The following USH2A variants were observed in gnomAD, a reference collection of about 807,000 sequenced individuals.
USH2A encodes Usher syndrome 2A (autosomal recessive, mild).
In USH2A, 443 loss-of-function variants were observed where a neutral mutation model predicts 538.9. That is an observed-to-expected ratio of 0.82 (90% CI 0.76 to 0.89). The LOEUF (loss-of-function observed/expected upper bound fraction) is 0.89, where lower values mean the gene tolerates loss of function less well. Ranked by LOEUF, USH2A falls within the 40% of genes least tolerant of loss-of-function variation. USH2A has a pLI of 0.00. For synonymous variants in USH2A, 2,413 were observed against 2,273.5 expected (o/e 1.06, Z -1.75); for missense variants, 6,633 against 6,324.8 (o/e 1.05, Z -1.65).
chr1:215,976,872 A>G (rs1667630175), intron 35 of USH2A, among the ~76,000 whole-genome samples: 1 of 152,112 alleles, frequency 6.6e-6, no homozygotes, highest in Non-Finnish European at 1.5e-5. Flanking sequence ...CCTCATAGAA[A>G]GTGTTAAGAA....
In USH2A at chr1:215,877,870, G is replaced by C; in HGVS notation, c.8569C>G (p.Leu2857Val). The change falls in exon 43 of 72, where the codon CTG (leucine) becomes GTG (valine). Residue 2857 changes from leucine to valine, a missense_variant. Coordinates refer to ENST00000307340, the MANE Select transcript of USH2A (RefSeq NM_206933.4). ...PNGPNLRYELLRRKIQQPLAS... is the reference protein window; with the variant it reads ...PNGPNLRYELVRRKIQQPLAS... The stretch of plus-strand genomic sequence containing the variant: ...AGTGGCTGCTGGATTTTACGTCTCA[G>C]AAGCTCATATCTAAAGCAAAAGACA... 1 of 1,613,650 alleles carries C rather than the reference G, an allele frequency of 6.2e-7. No homozygotes were observed. The highest frequency in any genetic ancestry group is 8.5e-7 in the Non-Finnish European group (1 of 1,179,664).
chr1:216,145,951 ACT>A (rs1191666300), intron 21 of USH2A, among the ~76,000 whole-genome samples: 18 of 151,808 alleles, frequency 1.2e-4, no homozygotes, highest in South Asian at 8.3e-4. Flanking sequence ...CCCTTCGCTG[ACT>A]CTCTTTTCGG....
At chr1:215,886,412 A>G (rs561281987) in intron 41 of USH2A, among the ~76,000 whole-genome samples, 3 of 152,300 alleles carry the variant, frequency 2.0e-5, no homozygotes, top group Admixed American at 6.5e-5. Context: ...ATACTGAAGG[A>G]CAGATATGTT....
chr1:216,314,625 TAAG>T (rs2037475405), intron 9 of USH2A, among the ~76,000 whole-genome samples: 1 of 152,114 alleles, frequency 6.6e-6, no homozygotes, highest in African/African-American at 2.4e-5. Context: ...ATTTATATAA[TAAG>T]CATTCTAGAG....
intron 38 of USH2A, among the ~76,000 whole-genome samples, chr1:215,913,748 T>C (rs888309875): frequency 2.6e-5 from 4 of 151,938 alleles, no homozygotes; most frequent in African/African-American, 9.7e-5. Context: ...GTTTTTTTTT[T>C]CCATAAAAGT....
At chr1:215,938,184 C>T (rs879929643) in intron 37 of USH2A, among the ~76,000 whole-genome samples, 23 of 152,164 alleles carry the variant, frequency 1.5e-4, no homozygotes, top group Admixed American at 3.9e-4. Context: ...TGTACATCTC[C>T]AGTAACTATA....
In USH2A at chr1:216,237,024, CA is replaced by C. The variant is rs1324980756; in HGVS notation, c.2810-4889del. Reference sequence around the variant, plus strand: ...TATAATTAATATATGTATGTGTATGCATATTCAAAATCCACAGCAAAACTTA... The same window carrying C: ...TATAATTAATATATGTATGTGTATGCTATTCAAAATCCACAGCAAAACTTA... On this transcript the variant is annotated intron_variant, in intron 13 of 71. Transcript: ENST00000307340. 3.3e-5 allele frequency among the ~76,000 whole-genome samples: 5 copies of C among 152,220 alleles called. No individual in the cohort carries two copies. The East Asian group carries it at 5.8e-4, about 18-fold the overall frequency.
Position 215,728,274 on chromosome 1 carries a change from C to T in USH2A, c.11822G>A (p.Arg3941Gln), listed in dbSNP as rs727504582. The part of the protein sequence containing the change: ...TLRPFTLYEY[R>Q]VRACNSKGSV... The stretch of plus-strand genomic sequence containing the variant: ...ACCCTTGGAGTTACAGGCTCTGACC[C>T]GATATTCGTAGAGTGTGAAAGGCCT... The change falls in exon 61 of 72, where the codon CGG becomes CAG. Residue 3941 changes from arginine (R) to glutamine (Q), a missense_variant. By Grantham distance (43) the Arg-to-Gln change is conservative. Coordinates refer to ENST00000307340, the MANE Select transcript of USH2A (RefSeq NM_206933.4). 1.4e-5 allele frequency: 23 copies of T among 1,614,108 alleles called. No individual in the cohort carries two copies. The highest frequency in any genetic ancestry group is 6.7e-5 in the East Asian group (3 of 44,872).
intron 61 of USH2A, among the ~76,000 whole-genome samples, chr1:215,695,770 T>C (rs1658787641): frequency 6.6e-6 from 1 of 150,426 alleles, no homozygotes; most frequent in Non-Finnish European, 1.5e-5. Flanking sequence ...TGTTTGTTTT[T>C]TGAGACAGAG....
intron 2 of USH2A, among the ~76,000 whole-genome samples, chr1:216,419,452 C>G (rs1050213545): frequency 6.6e-5 from 10 of 152,034 alleles, no homozygotes; most frequent in African/African-American, 2.4e-4. Context: ...AGTGACACAC[C>G]TTTCAGACCT....
intron 11 of USH2A, among the ~76,000 whole-genome samples, chr1:216,281,631 T>C (rs1480432141): frequency 1.3e-5 from 2 of 152,142 alleles, no homozygotes; most frequent in African/African-American, 2.4e-5. Context: ...CAGCAGTTGA[T>C]GGACATTCTG....
At chr1:215,958,529 T>C (rs139123155) in intron 37 of USH2A, among the ~76,000 whole-genome samples, 28 of 152,262 alleles carry the variant, frequency 1.8e-4, no homozygotes, top group Admixed American at 7.9e-4. Flanking sequence ...GATACCAATA[T>C]TGAAATGAGA....
At chr1:215,788,972 A>G (rs531110422) in intron 51 of USH2A, among the ~76,000 whole-genome samples, 2 of 146,496 alleles carry the variant, frequency 1.4e-5, no homozygotes, top group African/African-American at 5.0e-5. Context: ...TCAACACAGG[A>G]AAGAGGTAAA....
chr1:215,922,335 T>G (rs555369838), intron 38 of USH2A, among the ~76,000 whole-genome samples: 3 of 152,076 alleles, frequency 2.0e-5, no homozygotes, highest in Non-Finnish European at 4.4e-5. Flanking sequence ...GAACTCAACA[T>G]CTGGAATTGG....
intron 37 of USH2A, among the ~76,000 whole-genome samples, chr1:215,951,671 A>G (rs962336287): frequency 2.0e-4 from 30 of 152,052 alleles, no homozygotes; most frequent in African/African-American, 5.8e-4. Context: ...GTCTCCCATT[A>G]TTATTGTGTG....
At chr1:215,896,624 T>C (rs1665350080) in intron 40 of USH2A, among the ~76,000 whole-genome samples, 1 of 152,176 alleles carries the variant, frequency 6.6e-6, no homozygotes, top group African/African-American at 2.4e-5. Context: ...AATTTCTACA[T>C]GCATGTACTA....
At chr1:216,355,381 A>AAGAAAGAAAGAAAGAAAG (rs1164143706) in intron 4 of USH2A, among the ~76,000 whole-genome samples, 2 of 150,366 alleles carry the variant, frequency 1.3e-5, no homozygotes, top group African/African-American at 2.4e-5. Context: ...GAAAGAAGGA[A>AAGAAAGAAAGAAAGAAAG]AGAAACATAT....
At chr1:216,361,921 A>G (rs1330254236) in intron 4 of USH2A, among the ~76,000 whole-genome samples, 2 of 152,212 alleles carry the variant, frequency 1.3e-5, no homozygotes, top group Non-Finnish European at 2.9e-5. Context: ...GTTTGAGAAC[A>G]GGCAACATTA....
chr1:215,972,946 C>A (rs979937125), intron 35 of USH2A, among the ~76,000 whole-genome samples: 1 of 152,034 alleles, frequency 6.6e-6, no homozygotes, highest in Non-Finnish European at 1.5e-5. Context: ...AAGTGAAAGA[C>A]ACATAGTGAA....
Sources: allele counts gnomAD v4.1 joint callset (sites outside exome capture counted in the v4.1 genomes callset), GRCh38; gene constraint gnomAD v4.1.1; transcripts MANE v1.5; gene names NCBI Gene and HGNC (gene_info 2026-07-23, HGNC 2026-07-21).